The following LRP2 variants were observed in gnomAD, a reference collection of about 807,000 sequenced individuals.
LRP2 encodes the protein LDL receptor related protein 2, also known as low-density lipoprotein receptor-related protein 2.
A neutral mutation model predicts 531.0 loss-of-function variants in LRP2; 172 were observed. The observed-to-expected ratio is 0.32, with a 90% confidence interval of 0.29 to 0.37. LRP2 has a LOEUF of 0.37. Among genes scored for constraint, LRP2 ranks in the 10% least tolerant of loss-of-function variants. The pLI is 1.00. For missense variants in LRP2, 5,167 were observed against 5,868.3 expected (o/e 0.88, Z 3.90); for synonymous variants, 1,992 against 2,027.6 (o/e 0.98, Z 0.47).
In LRP2 at chr2:169,277,883, C is replaced by G; in HGVS notation, c.1634G>C (p.Gly545Ala). ...EPKLERAFMD[G>A]SNRKDLVKTK... The stretch of plus-strand genomic sequence containing the variant: ...TTTCACCAAGTCTTTACGGTTGCTG[C>G]CATCCATGAATGCCCTTTCCAGCTT... The change falls in exon 13 of 79, where the codon GGC becomes GCC. Residue 545 changes from glycine to alanine, a missense_variant. Coordinates refer to ENST00000649046, the MANE Select transcript of LRP2 (RefSeq NM_004525.3). 1 of 1,614,114 alleles carries G rather than the reference C, an allele frequency of 6.2e-7. No individual in the cohort carries two copies.
chr2:169,173,354 G>T, intron 56 of LRP2, 130 bp from the exon 57 acceptor site: 2 of 1,106,928 alleles, frequency 1.8e-6, no homozygotes, highest in Non-Finnish European at 2.7e-6. Flanking sequence ...CTGGCGATAT[G>T]TGTCTGTTTT....
intron 34 of LRP2, among the ~76,000 whole-genome samples, chr2:169,220,214 G>A (rs1435391629): frequency 6.6e-6 from 1 of 152,092 alleles, no homozygotes; most frequent in Non-Finnish European, 1.5e-5. Flanking sequence ...TTGCTTGTTT[G>A]GAATTAATTT....
intron 16 of LRP2, among the ~76,000 whole-genome samples, chr2:169,263,265 A>C (rs1332963381): frequency 6.6e-6 from 1 of 152,200 alleles, no homozygotes; most frequent in Non-Finnish European, 1.5e-5. Flanking sequence ...TAAACTAAAG[A>C]GCTTCTGCAC....
Position 169,256,179 on chromosome 2 carries a change from A to G in LRP2, c.2697T>C (p.Phe899=). ...AYFDKIEHST[F]DGLDRRRLGH... is the part of the protein sequence containing the mutation. The stretch of plus-strand genomic sequence containing the variant: ...CCAGTCTTCTTCTGTCTAAACCATC[A>G]AAGGTGCTGTGCTCAATTTTATCAA... Residue 899 remains phenylalanine, a synonymous_variant, in exon 19 of 79, where the codon TTT becomes TTC. Coordinates refer to ENST00000649046, the MANE Select transcript of LRP2 (RefSeq NM_004525.3). 1 of 1,612,930 alleles carries G rather than the reference A, an allele frequency of 6.2e-7. No individual in the cohort carries two copies. The highest frequency in any genetic ancestry group is 8.5e-7 in the Non-Finnish European group (1 of 1,179,188).
At chr2:169,232,417 T>C (rs1330122906) in intron 30 of LRP2, among the ~76,000 whole-genome samples, 1 of 152,226 alleles carries the variant, frequency 6.6e-6, no homozygotes, top group African/African-American at 2.4e-5. Flanking sequence ...ATGTTATTAA[T>C]AGATTATTAA....
chr2:169,266,363 G>A (rs530953019), intron 16 of LRP2, among the ~76,000 whole-genome samples: 24 of 152,038 alleles, frequency 1.6e-4, no homozygotes, highest in African/African-American at 5.8e-4. Context: ...CCCCAGAGCA[G>A]GTCTGGATTA....
intron 49 of LRP2, 114 bp downstream of exon 49, chr2:169,187,856 T>C: frequency 1.7e-6 from 2 of 1,170,596 alleles, no homozygotes; most frequent in Middle Eastern, 1.9e-4. Flanking sequence ...GGAATAGTGA[T>C]TTTATGGTAA....
chr2:169,205,271 C>T (rs969395173), intron 41 of LRP2, among the ~76,000 whole-genome samples: 1 of 152,048 alleles, frequency 6.6e-6, no homozygotes, highest in Non-Finnish European at 1.5e-5. Flanking sequence ...TCTTTTAGTT[C>T]ATAATTATTC....
chr2:169,236,880 TTAAAA>T (rs1208770855), intron 28 of LRP2, among the ~76,000 whole-genome samples: 2 of 152,182 alleles, frequency 1.3e-5, no homozygotes, highest in South Asian at 2.1e-4. Context: ...CAATGTGCTC[TTAAAA>T]TAAAGTAAAC....
chr2:169,154,616 A>C lies in LRP2; in HGVS notation c.12152-13T>G. The C allele has an allele frequency of 6.2e-7, 1 of 1,612,998 alleles. No homozygotes were observed. The highest frequency in any genetic ancestry group is 8.5e-7 in the Non-Finnish European group (1 of 1,179,094). ...AAAGGAGAGCTACCTGTAAACAAAC[A>C]AAGGGCTACTTTATCTGTTTGAATT... On this transcript the variant is annotated splice_polypyrimidine_tract_variant and intron_variant, in intron 65 of 78. Coordinates refer to ENST00000649046, the MANE Select transcript of LRP2 (RefSeq NM_004525.3).
chr2:169,203,941 C>T lies in LRP2; in HGVS notation c.8005+41G>A, dbSNP rs757957816. 1.3e-5 allele frequency: 21 copies of T among 1,604,704 alleles called. 1 individual carries two copies. In the South Asian group the frequency reaches 2.1e-4, roughly 16 times the overall value. Reference sequence around the variant, plus strand: ...TTTCCTTACCAATTGGTATTGTGATCATTATTCTCCATGTTCTAATTTTCA... The same window carrying T: ...TTTCCTTACCAATTGGTATTGTGATTATTATTCTCCATGTTCTAATTTTCA... On this transcript the variant is annotated intron_variant, in intron 42 of 78. Transcript: ENST00000649046.
chr2:169,344,689 AT>A (rs1253935988), intron 1 of LRP2, among the ~76,000 whole-genome samples: 14 of 152,228 alleles, frequency 9.2e-5, no homozygotes, highest in African/African-American at 3.1e-4. Context: ...GAAAACATAA[AT>A]AAAACAAGAC....
chr2:169,154,948 T>C (rs2075251), intron 65 of LRP2, among the ~76,000 whole-genome samples: 1 of 152,066 alleles, frequency 6.6e-6, no homozygotes, highest in African/African-American at 2.4e-5. Context: ...CAAAACAGAC[T>C]AGACTGCAGA....
At chr2:169,174,674 A>T (rs745739283) in intron 55 of LRP2, among the ~76,000 whole-genome samples, 1 of 152,024 alleles carries the variant, frequency 6.6e-6, no homozygotes, top group African/African-American at 2.4e-5. Context: ...ATGCCAGGCT[A>T]ATTTTTTGTA....
intron 71 of LRP2, among the ~76,000 whole-genome samples, chr2:169,142,296 G>A (rs2075253): frequency 0.76 from 115,921 of 152,144 alleles, 44,438 homozygotes; most frequent in South Asian, 0.86. Flanking sequence ...GTCAAAACTG[G>A]ACATGGTTCT....
At chr2:169,198,471 A>T (rs1420171844) in intron 45 of LRP2, among the ~76,000 whole-genome samples, 2 of 152,190 alleles carry the variant, frequency 1.3e-5, no homozygotes, top group African/African-American at 2.4e-5. Context: ...GTAAATTATA[A>T]GGGCTTAACG....
At position 169,171,774 on chromosome 2, in the gene LRP2, A is replaced by G. The variant is rs148008788; in HGVS notation, c.11263+241T>C. Among the ~76,000 whole-genome samples the G allele has an allele frequency of 6.6e-5, 10 of 152,350 alleles. No individual in the cohort carries two copies. The East Asian group carries it at 1.7e-3, about 26-fold the overall frequency. On this transcript the variant is annotated intron_variant, in intron 58 of 78. Transcript: ENST00000649046. ...GATGTAAATAAATTCAACACATAAA[A>G]GATATTCTTCAGTAAATACCTTCCT... is the stretch of plus-strand genomic sequence containing the variant.
intron 38 of LRP2, 78 bp downstream of exon 38, chr2:169,209,375 G>C: frequency 7.1e-7 from 1 of 1,403,550 alleles, no homozygotes; most frequent in South Asian, 1.2e-5. Context: ...GTAGCACATG[G>C]AGTTAGGCTA....
intron 9 of LRP2, among the ~76,000 whole-genome samples, chr2:169,288,124 T>C (rs1331839446): frequency 1.3e-5 from 2 of 152,124 alleles, no homozygotes; most frequent in Non-Finnish European, 2.9e-5. Flanking sequence ...TAGTTTTCTT[T>C]AAACTCCCTC....
Sources: gnomAD v4.1 joint callset for allele counts (sites outside exome capture counted in the v4.1 genomes callset) on GRCh38, gnomAD v4.1.1 for gene constraint, MANE v1.5 for transcripts, NCBI Gene and HGNC (gene_info 2026-07-23, HGNC 2026-07-21) for gene names.